Variants in OR13A1 observed in about 807,000 individuals in gnomAD.
OR13A1 encodes olfactory receptor family 13 subfamily A member 1, also known as olfactory receptor 13A1.
A neutral mutation model predicts 7.5 loss-of-function variants in OR13A1; 10 were observed. That is an observed-to-expected ratio of 1.34 (90% CI 0.83 to 2.27). The LOEUF (loss-of-function observed/expected upper bound fraction) is 2.27. Among genes scored for constraint, OR13A1 ranks in the 30% most tolerant of loss-of-function variants. The pLI, the probability that OR13A1 is intolerant of heterozygous loss-of-function variation, is 0.00. For synonymous variants in OR13A1, 238 were observed against 177.9 expected (o/e 1.34, Z -2.69); for missense variants, 509 against 419.1 (o/e 1.21, Z -1.87).
At position 45,302,835 on chromosome 10, in the gene OR13A1, A is replaced by T. The variant is rs4350321; in HGVS notation, c.*601T>A. The T allele has an allele frequency of 6.6e-6, 1 of 152,310 alleles. No homozygotes were observed. The highest frequency in any genetic ancestry group is 1.5e-5 in the Non-Finnish European group (1 of 68,124). The allele number at this position is 152,310 out of a possible 1,614,324, so 9.4% of individuals were successfully genotyped here. On this transcript the variant is annotated 3_prime_UTR_variant, in exon 4 of 4. Coordinates refer to ENST00000553795, the MANE Select transcript of OR13A1 (RefSeq NM_001004297.3). The stretch of plus-strand genomic sequence containing the variant: ...CCAATTAGGTAGGTCAGATACTCAG[A>T]ATCTGAAGTGTTAGTAAGAAGAAAA...
At chr10:45,306,440 G>C (rs546163681) in intron 3 of OR13A1, among the ~76,000 whole-genome samples, 1 of 129,528 alleles carries the variant, frequency 7.7e-6, no homozygotes, top group African/African-American at 3.1e-5. Context: ...GTGACAGAGC[G>C]AGACTCCGTC....
At chr10:45,306,404 G>A (rs1399188526) in intron 3 of OR13A1, among the ~76,000 whole-genome samples, 1 of 151,096 alleles carries the variant, frequency 6.6e-6, no homozygotes, top group Non-Finnish European at 1.5e-5. Flanking sequence ...AGTGAGCCGA[G>A]ATCGCGCCAC....
intron 1 of OR13A1, among the ~76,000 whole-genome samples, chr10:45,313,336 C>T (rs1337266162): frequency 4.7e-5 from 7 of 148,812 alleles, no homozygotes; most frequent in South Asian, 2.1e-4. Flanking sequence ...AAAAAAAAAT[C>T]GACAAAACCC....
downstream of OR13A1, chr10:45,302,316 T>C (rs1036721207): frequency 6.6e-6 from 1 of 152,212 alleles, no homozygotes; most frequent in African/African-American, 2.4e-5. Flanking sequence ...AAGCCATGTT[T>C]ATTGGAAAGT....
In OR13A1 at chr10:45,315,545, A is replaced by T. The variant is rs1838507762; in HGVS notation, c.-246T>A. ...TTACACTCAATGGTAAAAGATTCAA[A>T]CTTTTCTTCTGGATTAGGAACAAGA... On this transcript the variant is annotated 5_prime_UTR_variant, in exon 1 of 4. Coordinates refer to ENST00000553795, the MANE Select transcript of OR13A1 (RefSeq NM_001004297.3). 1 of 152,182 alleles carries T rather than the reference A, an allele frequency of 6.6e-6. No homozygotes were observed. The highest frequency in any genetic ancestry group is 2.4e-5 in the African/African-American group (1 of 41,454). The allele number at this position is 152,182 out of a possible 1,614,324, so 9.4% of individuals were successfully genotyped here. A position where few individuals can be genotyped will look rare whatever the true frequency, so the allele number is the denominator to read the frequency against.
chr10:45,306,428 G>C (rs1838331213), intron 3 of OR13A1, among the ~76,000 whole-genome samples: 1 of 148,296 alleles, frequency 6.7e-6, no homozygotes, highest in Non-Finnish European at 1.5e-5. Flanking sequence ...ACTCCAGCCT[G>C]GGTGACAGAG....
intron 1 of OR13A1, among the ~76,000 whole-genome samples, chr10:45,310,373 T>C (rs1440703683): frequency 6.6e-6 from 1 of 152,236 alleles, no homozygotes; most frequent in Non-Finnish European, 1.5e-5. Context: ...CAATGATTCT[T>C]GATCTCCTAC....
In OR13A1 at chr10:45,303,478, G is replaced by A. The variant is rs1459893869; in HGVS notation, c.945C>T (p.Val315=). ...PLIYTLRNKE[V]KAALRKLFPF... is the part of the protein sequence containing the mutation. ...GGAAAAGCTTCCTGAGGGCTGCTTT[G>A]ACCTCCTTGTTTCTCAAAGTATAGA... is the stretch of plus-strand genomic sequence containing the variant. The change falls in exon 4 of 4, where the codon GTC becomes GTT. Residue 315 remains valine, a synonymous_variant. Transcript: ENST00000553795. 1 of 1,611,088 alleles carries A rather than the reference G, an allele frequency of 6.2e-7. No homozygotes were observed. Among genetic ancestry groups the A allele is most frequent in the East Asian group, 2.2e-5 (1 of 44,832 alleles).
At chr10:45,302,319 T>G (rs541180611), downstream of OR13A1, 1 of 152,334 alleles carries the variant, frequency 6.6e-6, no homozygotes, top group African/African-American at 2.4e-5. Context: ...CCATGTTTAT[T>G]GGAAAGTGAG....
Position 45,304,351 on chromosome 10 carries a change from C to T in OR13A1, c.72G>A (p.Gln24=), listed in dbSNP as rs765634665. ...GCAGGATGAACTCGGTTACCAACGT[C>T]TGGTTACTCATCATCCTTGGGCTGG... ...TRPSPRMMSN[Q]TLVTEFILQG... Residue 24 remains glutamine, a synonymous_variant, in exon 4 of 4, where the codon CAG becomes CAA. Coordinates refer to ENST00000553795, the MANE Select transcript of OR13A1 (RefSeq NM_001004297.3). 20 of 1,613,996 alleles carry T rather than the reference C, an allele frequency of 1.2e-5. No homozygotes were observed. The Admixed American group carries it at 3.3e-4, about 27-fold the overall frequency.
rs778321340 is a variant in OR13A1 at position 45,304,290 on chromosome 10, A to G, written c.133T>C (p.Leu45=). ...TAGAGGAAGAGGAAACAGCTGAATA[A>G]GAACACCCGGTATTCTGGGTGCTCC... ...FSEHPEYRVF[L]FSCFLFLYSG... Residue 45 remains leucine, a synonymous_variant, in exon 4 of 4, where the codon TTA becomes CTA. Transcript: ENST00000553795. The G allele has an allele frequency of 3.1e-6, 5 of 1,614,174 alleles. No homozygotes were observed. The highest frequency in any genetic ancestry group is 3.3e-5 in the Admixed American group (2 of 60,026).
chr10:45,314,768 A>G (rs967737617), intron 1 of OR13A1, among the ~76,000 whole-genome samples: 2 of 152,172 alleles, frequency 1.3e-5, no homozygotes, highest in Admixed American at 1.3e-4. Context: ...ATTATAAGAA[A>G]ATACCATCAA....
At chr10:45,304,933 CAAAG>C (rs757610228) in intron 3 of OR13A1, among the ~76,000 whole-genome samples, 13 of 152,108 alleles carry the variant, frequency 8.5e-5, no homozygotes, top group Non-Finnish European at 1.0e-4. Context: ...GTCTAATTAT[CAAAG>C]TAATGCTTTG....
intron 1 of OR13A1, among the ~76,000 whole-genome samples, chr10:45,313,281 G>C (rs1010983913): frequency 1.3e-5 from 2 of 150,966 alleles, no homozygotes; most frequent in South Asian, 2.1e-4. Context: ...AAAATCTATA[G>C]AATACACACA....
At chr10:45,314,030 T>A (rs986744114) in intron 1 of OR13A1, among the ~76,000 whole-genome samples, 8 of 152,098 alleles carry the variant, frequency 5.3e-5, no homozygotes, top group Admixed American at 5.2e-4. Flanking sequence ...TTGTAACAAA[T>A]TTTAAAAGAT....
chr10:45,303,251 G>T lies in OR13A1; in HGVS notation c.*185C>A. 1.6e-6 allele frequency: 1 copy of T among 619,510 alleles called. No individual in the cohort carries two copies. Among genetic ancestry groups the T allele is most frequent in the East Asian group, 2.7e-5 (1 of 36,662 alleles). The allele number at this position is 619,510 out of a possible 1,614,324, so 38.4% of individuals were successfully genotyped here. On this transcript the variant is annotated 3_prime_UTR_variant, in exon 4 of 4. Transcript: ENST00000553795. ...AAGAGATCTGGTGTCTCAGAGGCTG[G>T]TGGGTCACACCTACCGCAATCCCCC...
intron 3 of OR13A1, among the ~76,000 whole-genome samples, chr10:45,306,144 A>T (rs1047476928): frequency 3.3e-5 from 5 of 152,012 alleles, no homozygotes; most frequent in Non-Finnish European, 7.4e-5. Flanking sequence ...TTCCCTTTCA[A>T]CTCTTTATTC....
chr10:45,303,088 T>C lies in OR13A1; in HGVS notation c.*348A>G, dbSNP rs1336792754. ...CTGAATTCTAGGTGTGATTTTAGAA[T>C]TTACACCCTGAGTGTTGTACATACA... On this transcript the variant is annotated 3_prime_UTR_variant, in exon 4 of 4. Coordinates refer to ENST00000553795, the MANE Select transcript of OR13A1 (RefSeq NM_001004297.3). 5 of 193,988 alleles carry C rather than the reference T, an allele frequency of 2.6e-5. No individual in the cohort carries two copies. The highest frequency in any genetic ancestry group is 5.2e-5 in the Non-Finnish European group (5 of 95,444). 12.0% of individuals were successfully genotyped at this position (193,988 alleles called of 1,614,324 possible).
chr10:45,315,361 A>G (rs193103853), intron 1 of OR13A1, among the ~76,000 whole-genome samples, 163 bp downstream of exon 1: 46 of 152,332 alleles, frequency 3.0e-4, no homozygotes, highest in African/African-American at 8.4e-4. Flanking sequence ...AATACACTAT[A>G]GTAATAGAAT....
Sources: allele counts gnomAD v4.1 joint callset (sites outside exome capture counted in the v4.1 genomes callset), GRCh38; gene constraint gnomAD v4.1.1; transcripts MANE v1.5; gene names NCBI Gene and HGNC (gene_info 2026-07-23, HGNC 2026-07-21).